Variants in KLRD1 observed in about 807,000 individuals in gnomAD.
The protein encoded by KLRD1 is natural killer cells antigen CD94.
Under a neutral mutation model 22.6 loss-of-function variants are expected in KLRD1, and 21 were observed. The observed-to-expected ratio is 0.93, with a 90% CI of 0.66 to 1.34. The LOEUF (loss-of-function observed/expected upper bound fraction) is 1.34. Ranked by LOEUF, KLRD1 falls within the 40% of genes most tolerant of loss-of-function variation. The pLI, the probability that KLRD1 is intolerant of heterozygous loss-of-function variation, is 0.00. For missense variants in KLRD1, 183 were observed against 208.6 expected (o/e 0.88, Z 0.76); for synonymous variants, 59 against 71.1 (o/e 0.83, Z 0.85).
At position 10,309,404 on chromosome 12, in the gene KLRD1, G is replaced by T; in HGVS notation, c.24G>T (p.Leu8=). ...TCTCTACAGTGTTTAAGACCACTCT[G>T]TGGAGGTTAATTTCTGGGACCTTAG... The part of the protein sequence containing the change: MAVFKTT[L]WRLISGTLGI... Residue 8 remains leucine, a synonymous_variant, in exon 2 of 6, where the codon CTG becomes CTT. Coordinates refer to ENST00000336164, the MANE Select transcript of KLRD1 (RefSeq NM_002262.5). The T allele has an allele frequency of 6.7e-7, 1 of 1,501,816 alleles. No homozygotes were observed. The highest frequency in any genetic ancestry group is 9.3e-7 in the Non-Finnish European group (1 of 1,077,458). The allele number at this position is 1,501,816 out of a possible 1,614,324, so 93.0% of individuals were successfully genotyped here. A position where few individuals can be genotyped will look rare whatever the true frequency, so the allele number is the denominator to read the frequency against.
chr12:10,313,270 T>G lies in KLRD1; in HGVS notation c.316-140T>G, dbSNP rs919786458. ...CTTTCAGTCTTGTGATTATACCTTTTAAATAGGAAGTTAAAAATAATTTCC... is the reference window on the plus strand; with the variant it reads ...CTTTCAGTCTTGTGATTATACCTTTGAAATAGGAAGTTAAAAATAATTTCC... On this transcript the variant is annotated intron_variant, in intron 4 of 5. Coordinates refer to ENST00000336164, the MANE Select transcript of KLRD1 (RefSeq NM_002262.5). 58 of 487,532 alleles carry G rather than the reference T, an allele frequency of 1.2e-4. No individual in the cohort carries two copies. In the Admixed American group the frequency reaches 1.8e-3, roughly 15 times the overall value. 30.2% of individuals were successfully genotyped at this position (487,532 alleles called of 1,614,324 possible). A position where few individuals can be genotyped will look rare whatever the true frequency, so the allele number is the denominator to read the frequency against.
At position 10,311,462 on chromosome 12, in the gene KLRD1, A is replaced by G; in HGVS notation, c.164-2A>G. 6.2e-7 allele frequency: 1 copy of G among 1,612,170 alleles called. No homozygotes were observed. The highest frequency in any genetic ancestry group is 2.2e-5 in the East Asian group (1 of 44,812). ...TTAGTCATGCTTTATGTTTTCTGTC[A>G]GACTCTGACTGCTGTTCTTGCCAAG... is the stretch of plus-strand genomic sequence containing the variant. On this transcript the variant is annotated splice_acceptor_variant, in intron 3 of 5. Transcript: ENST00000336164. LOFTEE classifies it high-confidence loss of function.
In KLRD1 at chr12:10,257,191, T is replaced by C. The variant is rs185095990; in HGVS notation, c.-101+30958T>C. Among the ~76,000 whole-genome samples the C allele has an allele frequency of 4.3e-4, 65 of 150,138 alleles. 2 individuals are homozygous for C. The highest frequency in any genetic ancestry group is 1.5e-3 in the African/African-American group (60 of 41,138). ...GCTGCTTGGCTTTGGCTTTTGCCAGTTTGATTATATCTTATTGTGGGTCTC... is the reference window on the plus strand; with the variant it reads ...GCTGCTTGGCTTTGGCTTTTGCCAGCTTGATTATATCTTATTGTGGGTCTC... On this transcript the variant is annotated intron_variant, in intron 1 of 5. Coordinates refer to the KLRD1 transcript ENST00000544747.
intron 1 of KLRD1, among the ~76,000 whole-genome samples, chr12:10,284,536 C>T (rs1273874080): frequency 3.3e-5 from 5 of 152,172 alleles, no homozygotes; most frequent in Admixed American, 2.0e-4. Flanking sequence ...TTGTTTTATA[C>T]ATTTTGCTGT....
chr12:10,253,622 A>C (rs1333723218), intron 1 of KLRD1, among the ~76,000 whole-genome samples: 1 of 151,958 alleles, frequency 6.6e-6, no homozygotes, highest in African/African-American at 2.4e-5. Flanking sequence ...TTCTGTGTTC[A>C]TAAGTTCTTA....
At chr12:10,241,045 G>C (rs1326725008) in intron 1 of KLRD1, among the ~76,000 whole-genome samples, 4 of 152,156 alleles carry the variant, frequency 2.6e-5, no homozygotes, top group Non-Finnish European at 5.9e-5. Flanking sequence ...GGGGCAAAAA[G>C]CCCTACTATT....
intron 1 of KLRD1, among the ~76,000 whole-genome samples, chr12:10,248,732 G>A (rs61919793): frequency 0.18 from 26,887 of 150,916 alleles, 2,794 homozygotes; most frequent in Non-Finnish European, 0.24. Context: ...CAAGTAGCTG[G>A]GATTACAGGT....
intron 1 of KLRD1, among the ~76,000 whole-genome samples, chr12:10,291,391 C>G (rs1949768925): frequency 6.6e-6 from 1 of 152,200 alleles, no homozygotes; most frequent in Non-Finnish European, 1.5e-5. Context: ...ATTTTACCCA[C>G]AGTAGAACTT....
chr12:10,314,858 A>G lies in KLRD1; in HGVS notation c.*65A>G. 1 of 1,400,108 alleles carries G rather than the reference A, an allele frequency of 7.1e-7. No individual in the cohort carries two copies. Among genetic ancestry groups the G allele is most frequent in the Non-Finnish European group, 9.7e-7 (1 of 1,025,758 alleles). The allele number at this position is 1,400,108 out of a possible 1,614,324, so 86.7% of individuals were successfully genotyped here. Reference sequence around the variant, plus strand: ...ACATTACTAACAATGATACAGTTGCATGTTATATTATTACTAATTGTCTAC... The same window carrying G: ...ACATTACTAACAATGATACAGTTGCGTGTTATATTATTACTAATTGTCTAC... On this transcript the variant is annotated 3_prime_UTR_variant, in exon 6 of 6. Coordinates refer to ENST00000336164, the MANE Select transcript of KLRD1 (RefSeq NM_002262.5).
intron 1 of KLRD1, among the ~76,000 whole-genome samples, chr12:10,270,363 T>C (rs2137642664): frequency 6.6e-6 from 1 of 152,320 alleles, no homozygotes; most frequent in Non-Finnish European, 1.5e-5. Flanking sequence ...TACTTACTCT[T>C]AGCTACCATA....
chr12:10,286,187 G>C (rs1188948713), intron 1 of KLRD1, among the ~76,000 whole-genome samples: 3 of 152,138 alleles, frequency 2.0e-5, no homozygotes, highest in African/African-American at 7.2e-5. Context: ...AGCCACACCT[G>C]TTACACATAA....
Position 10,320,383 on chromosome 12 carries a change from T to C in KLRD1, c.*5590T>C, listed in dbSNP as rs545978229. 1.3e-5 allele frequency: 2 copies of C among 152,164 alleles called. No individual in the cohort carries two copies. Among genetic ancestry groups the C allele is most frequent in the South Asian group, 4.2e-4 (2 of 4,818 alleles). The allele number at this position is 152,164 out of a possible 1,614,324, so 9.4% of individuals were successfully genotyped here. On this transcript the variant is annotated 3_prime_UTR_variant, in exon 6 of 6. Coordinates refer to ENST00000336164, the MANE Select transcript of KLRD1 (RefSeq NM_002262.5). Reference sequence around the variant, plus strand: ...TTATAGTAGGGAAGTGAAAACATATTAGAAACTGGAGAAAGTAAAAATCTT... The same window carrying C: ...TTATAGTAGGGAAGTGAAAACATATCAGAAACTGGAGAAAGTAAAAATCTT...
chr12:10,239,537 TTC>T (rs1236174601), intron 1 of KLRD1, among the ~76,000 whole-genome samples: 2 of 86,298 alleles, frequency 2.3e-5, no homozygotes, highest in Admixed American at 1.0e-4. Context: ...CTTTCTTTCT[TTC>T]TTTCTTTCTT....
At chr12:10,252,621 TAAAC>T (rs1246988386) in intron 1 of KLRD1, among the ~76,000 whole-genome samples, 5 of 152,180 alleles carry the variant, frequency 3.3e-5, no homozygotes, top group African/African-American at 4.8e-5. Context: ...TTAGTTGTCT[TAAAC>T]AAGCAAGGGC....
rs573642830 is a variant in KLRD1 at position 10,257,318 on chromosome 12, A to G, written c.-101+31085A>G. On this transcript the variant is annotated intron_variant, in intron 1 of 5. Transcript: ENST00000544747. The stretch of plus-strand genomic sequence containing the variant: ...TGGCAAATTTCTTTATTTTTTAAAT[A>G]CTCTTTCTTTTCCTATTCTATGACA... 2.5e-4 allele frequency among the ~76,000 whole-genome samples: 37 copies of G among 148,496 alleles called. No homozygotes were observed. In the South Asian group the frequency reaches 7.8e-3, roughly 31 times the overall value.
At chr12:10,245,794 C>T (rs1029464720) in intron 1 of KLRD1, among the ~76,000 whole-genome samples, 2 of 152,122 alleles carry the variant, frequency 1.3e-5, no homozygotes, top group African/African-American at 2.4e-5. Context: ...TCTCTCTTTT[C>T]ATGTTTTATT....
chr12:10,285,944 C>T (rs960664470), intron 1 of KLRD1, among the ~76,000 whole-genome samples: 1 of 152,178 alleles, frequency 6.6e-6, no homozygotes, highest in Non-Finnish European at 1.5e-5. Flanking sequence ...CTTCTCTCCT[C>T]CTTAAGCTGT....
At chr12:10,263,839 T>C (rs1949475938) in intron 1 of KLRD1, among the ~76,000 whole-genome samples, 1 of 152,132 alleles carries the variant, frequency 6.6e-6, no homozygotes, top group South Asian at 2.1e-4. Flanking sequence ...GATGATTTAA[T>C]GGAAAAAGAA....
chr12:10,302,292 A>T (rs1949873007), upstream of KLRD1, among the ~76,000 whole-genome samples: 1 of 152,160 alleles, frequency 6.6e-6, no homozygotes, highest in Admixed American at 6.5e-5. Context: ...ACAAGGTATG[A>T]CTGTTCTCAT....
Sources: gnomAD v4.1 joint callset for allele counts (sites outside exome capture counted in the v4.1 genomes callset) on GRCh38, gnomAD v4.1.1 for gene constraint, MANE v1.5 for transcripts, NCBI Gene and HGNC (gene_info 2026-07-23, HGNC 2026-07-21) for gene names.